Variants in IMPDH1 observed in about 807,000 individuals in gnomAD.
The protein encoded by IMPDH1 is inosine-5'-monophosphate dehydrogenase 1.
In IMPDH1, 41 loss-of-function variants were observed where a neutral mutation model predicts 73.5. That is an observed-to-expected ratio of 0.56 (90% CI 0.43 to 0.72). The LOEUF (loss-of-function observed/expected upper bound fraction) is 0.72, where lower values mean the gene tolerates loss of function less well. IMPDH1 is among the 30% of genes least tolerant of loss of function. The pLI is 0.00. For missense variants in IMPDH1, 645 were observed against 824.8 expected, an observed-to-expected ratio of 0.78 and a Z score of 2.67; for synonymous variants, 318 against 334.3, an observed-to-expected ratio of 0.95 and a Z score of 0.53.
intron 4 of IMPDH1, 66 bp downstream of exon 4, chr7:128,405,701 C>T (rs1244831316): frequency 1.5e-5 from 22 of 1,498,436 alleles, no homozygotes. Flanking sequence ...CGCGCACGTG[C>T]AGGGCCGGCC....
At chr7:128,395,396 G>A (rs1045259094) in intron 12 of IMPDH1, 122 bp from the exon 13 acceptor site, 5 of 1,203,726 alleles carry the variant, frequency 4.2e-6, no homozygotes, top group Non-Finnish European at 6.0e-6. Flanking sequence ...GACAGGGCTG[G>A]ATGGTGTGTC....
At position 128,398,757 on chromosome 7, in the gene IMPDH1, C is replaced by A; in HGVS notation, c.875-144G>T. On this transcript the variant is annotated intron_variant, in intron 9 of 16. Transcript: ENST00000338791. This position sits in a 1 kb window ranked among gnomAD's most constrained non-coding sequence, Gnocchi z 4.3. Reference sequence around the variant, plus strand: ...AGCCACTAGGTGACAGCACCGCCCCCAGGAAGTGTTCCTAGGGACCTAGCC... The same window carrying A: ...AGCCACTAGGTGACAGCACCGCCCCAAGGAAGTGTTCCTAGGGACCTAGCC... The A allele has an allele frequency of 1.5e-6, 1 of 672,240 alleles. No individual in the cohort carries two copies. The highest frequency in any genetic ancestry group is 1.6e-5 in the South Asian group (1 of 63,094). 41.6% of individuals were successfully genotyped at this position (672,240 alleles called of 1,614,324 possible). A position where few individuals can be genotyped will look rare whatever the true frequency, so the allele number is the denominator to read the frequency against.
intron 4 of IMPDH1, among the ~76,000 whole-genome samples, chr7:128,404,069 CCA>C (rs1374621702): frequency 3.0e-4 from 46 of 152,200 alleles, no homozygotes; most frequent in Admixed American, 3.0e-3. Flanking sequence ...TCCCATATCG[CCA>C]CACACAGCAG....
intron 3 of IMPDH1, among the ~76,000 whole-genome samples, chr7:128,406,541 CATA>C (rs1004319429): frequency 3.9e-5 from 6 of 152,038 alleles, no homozygotes; most frequent in African/African-American, 1.4e-4. Context: ...CGGCATTCTT[CATA>C]ATGACACTCC....
chr7:128,402,357 C>T (rs1798399452), intron 5 of IMPDH1, among the ~76,000 whole-genome samples: 1 of 152,220 alleles, frequency 6.6e-6, no homozygotes, highest in Non-Finnish European at 1.5e-5. Flanking sequence ...CCTGCCTCAG[C>T]CTCCCAAAAT....
intron 3 of IMPDH1, among the ~76,000 whole-genome samples, 174 bp downstream of exon 3, chr7:128,409,115 C>T (rs750829117): frequency 2.6e-5 from 4 of 152,346 alleles, no homozygotes; most frequent in African/African-American, 9.6e-5. Context: ...CTGCTGTCTC[C>T]TTTTCAGCCA....
At chr7:128,399,640 T>C (rs1159318841) in intron 9 of IMPDH1, among the ~76,000 whole-genome samples, 5 of 152,008 alleles carry the variant, frequency 3.3e-5, no homozygotes, top group East Asian at 3.9e-4. Flanking sequence ...TGAGCTGACA[T>C]TGCGCCACTG....
intron 4 of IMPDH1, among the ~76,000 whole-genome samples, chr7:128,404,041 G>A (rs1257945971): frequency 1.3e-5 from 2 of 152,242 alleles, no homozygotes; most frequent in Non-Finnish European, 2.9e-5. Context: ...CTCAGAGTTT[G>A]TCAAGCGACA....
Position 128,400,199 on chromosome 7 carries a change from A to G in IMPDH1, c.787-17T>C. ...CGTCATCACCTGTGGGGCCAGGAAC[A>G]TTTGCCTGCAGGTTGGCAGGTGAGA... On this transcript the variant is annotated splice_polypyrimidine_tract_variant and intron_variant, in intron 8 of 16. Transcript: ENST00000338791. The G allele has an allele frequency of 6.2e-7, 1 of 1,614,034 alleles. No homozygotes were observed. Among genetic ancestry groups the G allele is most frequent in the Non-Finnish European group, 8.5e-7 (1 of 1,179,966 alleles).
In IMPDH1 at chr7:128,394,586, CTT is replaced by C; in HGVS notation, c.1562_1563del (p.Lys521SerfsTer55). On this transcript the variant is annotated frameshift_variant, in exon 15 of 17. Transcript: ENST00000338791. LOFTEE classifies it high-confidence loss of function. The surrounding 1 kb of genome is among the most constrained non-coding windows in gnomAD (Gnocchi z 5.5). ...SQKRYFSEGD[K>X]VKIAQGVSGS... is the part of the protein sequence containing the mutation. ...CCCGAGACACCCTGCGCGATCTTCA[CTT>C]TATCCCCCTCGCTGCGTGGAGGGTG... 3.1e-6 allele frequency: 5 copies of C among 1,613,784 alleles called. No individual in the cohort carries two copies. The highest frequency in any genetic ancestry group is 4.2e-6 in the Non-Finnish European group (5 of 1,179,992).
At chr7:128,409,731 C>G in intron 1 of IMPDH1, 25 bp downstream of exon 1, 14 of 1,525,796 alleles carry the variant, frequency 9.2e-6, no homozygotes, top group Non-Finnish European at 1.2e-5. Context: ...CGGATGCGCC[C>G]CGCGCGCTCT....
At position 128,394,702 on chromosome 7, in the gene IMPDH1, G is replaced by C. The variant is rs1797788404; in HGVS notation, c.1551-103C>G. ...GGATACCGCCCAGGAAGGTCCCCCA[G>C]GCCACCCCTCACTGGGCTGAGTCAG... On this transcript the variant is annotated intron_variant, in intron 14 of 16. Coordinates refer to ENST00000338791, the MANE Select transcript of IMPDH1 (RefSeq NM_000883.4). This position sits in a 1 kb window ranked among gnomAD's most constrained non-coding sequence, Gnocchi z 5.5. The C allele has an allele frequency of 6.7e-7, 1 of 1,484,674 alleles. No individual in the cohort carries two copies. The highest frequency in any genetic ancestry group is 9.3e-7 in the Non-Finnish European group (1 of 1,078,556). 92.0% of individuals were successfully genotyped at this position (1,484,674 alleles called of 1,614,324 possible).
chr7:128,405,814 CCCAT>C lies in IMPDH1; in HGVS notation c.302_305del (p.Asp101GlyfsTer20). On this transcript the variant is annotated frameshift_variant, in exon 4 of 17. Coordinates refer to ENST00000338791, the MANE Select transcript of IMPDH1 (RefSeq NM_000883.4). LOFTEE classifies it high-confidence loss of function. ...TGGCGAAGAGCTGCTGCGCGGTGAG[CCCAT>C]CCTCGGGCACGTAGCCGGTGCCGCC... 5 of 1,542,484 alleles carry C rather than the reference CCCAT, an allele frequency of 3.2e-6. No individual in the cohort carries two copies. The highest frequency in any genetic ancestry group is 4.4e-6 in the Non-Finnish European group (5 of 1,145,938).
chr7:128,408,349 T>A (rs1183418404), intron 3 of IMPDH1, among the ~76,000 whole-genome samples: 1 of 152,152 alleles, frequency 6.6e-6, no homozygotes, highest in Non-Finnish European at 1.5e-5. Context: ...GTAGTAACAT[T>A]AGCACTGTTG....
chr7:128,400,753 T>C lies in IMPDH1; in HGVS notation c.579+64A>G, dbSNP rs1358098746. Reference sequence around the variant, plus strand: ...GCAGTGCAGGGCTGGCAGGGGAGGCTGGGAGGGCCTCTGAGGTGGGGACTG... The same window carrying C: ...GCAGTGCAGGGCTGGCAGGGGAGGCCGGGAGGGCCTCTGAGGTGGGGACTG... On this transcript the variant is annotated intron_variant, in intron 7 of 16. Coordinates refer to ENST00000338791, the MANE Select transcript of IMPDH1 (RefSeq NM_000883.4). 4.2e-6 allele frequency: 6 copies of C among 1,412,628 alleles called. No individual in the cohort carries two copies. In the Admixed American group the frequency reaches 1.0e-4, roughly 24 times the overall value. The allele number at this position is 1,412,628 out of a possible 1,614,324, so 87.5% of individuals were successfully genotyped here. A position where few individuals can be genotyped will look rare whatever the true frequency, so the allele number is the denominator to read the frequency against.
At position 128,396,924 on chromosome 7, in the gene IMPDH1, G is replaced by C; in HGVS notation, c.1165+8C>G. On this transcript the variant is annotated splice_region_variant and intron_variant, in intron 11 of 16. Coordinates refer to ENST00000338791, the MANE Select transcript of IMPDH1 (RefSeq NM_000883.4). This position sits in a 1 kb window ranked among gnomAD's most constrained non-coding sequence, Gnocchi z 4.0. ...GAGCAGGCGGGTGGGAGGCGACCCC[G>C]CACTCACCGTTCCCCCCAATCACCT... 6.2e-7 allele frequency: 1 copy of C among 1,605,396 alleles called. No homozygotes were observed. The highest frequency in any genetic ancestry group is 8.5e-7 in the Non-Finnish European group (1 of 1,172,632).
chr7:128,403,652 C>T, intron 5 of IMPDH1, 54 bp downstream of exon 5: 3 of 1,521,758 alleles, frequency 2.0e-6, no homozygotes, highest in Non-Finnish European at 2.7e-6. Flanking sequence ...AAGAAGTCAG[C>T]CTCTTCCACC....
chr7:128,399,935 A>G (rs1310461330), intron 9 of IMPDH1, among the ~76,000 whole-genome samples, 160 bp downstream of exon 9: 1 of 152,154 alleles, frequency 6.6e-6, no homozygotes, highest in Non-Finnish European at 1.5e-5. Flanking sequence ...AAGCTAAGAG[A>G]AGGATGGCAG....
intron 5 of IMPDH1, among the ~76,000 whole-genome samples, chr7:128,401,923 A>G (rs1798367152): frequency 1.3e-5 from 2 of 152,190 alleles, no homozygotes; most frequent in Non-Finnish European, 2.9e-5. Context: ...ACATTTGTGC[A>G]GACTTTGCTA....
Sources: allele counts gnomAD v4.1 joint callset (sites outside exome capture counted in the v4.1 genomes callset), GRCh38; gene constraint gnomAD v4.1.1; non-coding constraint Gnocchi (gnomAD v3.1); transcripts MANE v1.5; gene names NCBI Gene and HGNC (gene_info 2026-07-23, HGNC 2026-07-21).